ANKFY1: variants seen among roughly 807,000 people sequenced by gnomAD.
ANKFY1 encodes the protein ankyrin repeat and FYVE domain-containing protein 1.
In ANKFY1, 47 loss-of-function variants were observed where a neutral mutation model predicts 128.3. The ratio of observed to expected loss-of-function variants is 0.37; its 90% CI spans 0.29 to 0.47. The LOEUF (loss-of-function observed/expected upper bound fraction) is 0.47. ANKFY1 is among the 20% of genes least tolerant of loss of function. ANKFY1 has a pLI of 1.00. For synonymous variants in ANKFY1, 553 were observed against 601.6 expected (o/e 0.92, Z 1.18); for missense variants, 1,222 against 1,510.6 (o/e 0.81, Z 3.17).
rs1186683659 is a variant in ANKFY1 at position 4,165,776 on chromosome 17, T to C, written c.*2003A>G. The C allele has an allele frequency of 1.3e-5, 2 of 152,222 alleles. No individual in the cohort carries two copies. Among genetic ancestry groups the C allele is most frequent in the Non-Finnish European group, 2.9e-5 (2 of 68,024 alleles). 9.4% of individuals were successfully genotyped at this position (152,222 alleles called of 1,614,324 possible). A position where few individuals can be genotyped will look rare whatever the true frequency, so the allele number is the denominator to read the frequency against. On this transcript the variant is annotated 3_prime_UTR_variant, in exon 25 of 25. Coordinates refer to ENST00000341657, the MANE Select transcript of ANKFY1 (RefSeq NM_001330063.2). ...AAGATTGTTATTGAAATTGGTATGG[T>C]AGGGCATGGGCAGAACAATCGGCCT...
intron 3 of ANKFY1, chr17:4,223,614 T>A: frequency 7.0e-7 from 1 of 1,422,384 alleles, no homozygotes; most frequent in Non-Finnish European, 9.9e-7. Context: ...TGGGAACTCA[T>A]GACTCTGGGC....
intron 8 of ANKFY1, 48 bp from the exon 9 acceptor site, chr17:4,195,519 G>C (rs762190415): frequency 1.3e-6 from 2 of 1,492,186 alleles, no homozygotes; most frequent in Non-Finnish European, 1.9e-6. Flanking sequence ...GGCCTGTTCA[G>C]GATGACTCAC....
chr17:4,263,468 A>ACCCCCCCCCC, intron 1 of ANKFY1: 1 of 386,870 alleles, frequency 2.6e-6, no homozygotes, highest in Non-Finnish European at 4.5e-6. Flanking sequence ...CCTCGCCCCC[A>ACCCCCCCCCC]CCCCACCCCA....
intron 21 of ANKFY1, among the ~76,000 whole-genome samples, chr17:4,172,946 G>A (rs1339015849): frequency 3.9e-5 from 6 of 152,296 alleles, no homozygotes; most frequent in East Asian, 1.9e-4. Flanking sequence ...TGCAAGCTCC[G>A]CCTCCCGGGT....
chr17:4,254,814 AT>A (rs1327781881), intron 1 of ANKFY1, among the ~76,000 whole-genome samples: 6 of 152,204 alleles, frequency 3.9e-5, no homozygotes, highest in African/African-American at 1.4e-4. Context: ...GGGAATTAAT[AT>A]TTTTTATGTC....
chr17:4,179,924 C>T (rs750576968), intron 16 of ANKFY1, 47 bp from the exon 17 acceptor site: 30 of 1,607,092 alleles, frequency 1.9e-5, no homozygotes, highest in Non-Finnish European at 2.2e-5. Flanking sequence ...TTGGACCTGG[C>T]GTATAGGCAT....
intron 1 of ANKFY1, chr17:4,249,252 C>T: frequency 4.2e-6 from 1 of 236,338 alleles, no homozygotes; most frequent in Non-Finnish European, 6.9e-6. Flanking sequence ...CTCAACTCTG[C>T]CAGTTGGAAC....
At chr17:4,249,453 T>C (rs1324842086) in intron 1 of ANKFY1, among the ~76,000 whole-genome samples, 1 of 152,198 alleles carries the variant, frequency 6.6e-6, no homozygotes, top group Non-Finnish European at 1.5e-5. Flanking sequence ...AACATATAAA[T>C]AAATTCTTAG....
chr17:4,170,982 T>A, intron 22 of ANKFY1, 121 bp from the exon 23 acceptor site: 1 of 1,434,588 alleles, frequency 7.0e-7, no homozygotes, highest in African/African-American at 1.4e-5. Context: ...GTTCACAAAG[T>A]CCCCACAGAC....
At chr17:4,183,669 AG>A (rs2059557106) in intron 13 of ANKFY1, 118 bp from the exon 14 acceptor site, 1 of 1,428,210 alleles carries the variant, frequency 7.0e-7, no homozygotes, top group African/African-American at 1.4e-5. Flanking sequence ...TGGATCTAAC[AG>A]GCTTAACTCA....
chr17:4,180,196 G>A, intron 16 of ANKFY1: 1 of 280,156 alleles, frequency 3.6e-6, no homozygotes, highest in South Asian at 4.9e-5. Flanking sequence ...GGGAGGCCGA[G>A]GCAGGTGGAT....
chr17:4,210,229 G>T (rs192818511), intron 4 of ANKFY1, among the ~76,000 whole-genome samples: 28 of 152,216 alleles, frequency 1.8e-4, no homozygotes, highest in African/African-American at 6.7e-4. Flanking sequence ...GCACACATAC[G>T]ACACCCGCTG....
chr17:4,202,514 C>T (rs1202665133), intron 7 of ANKFY1, among the ~76,000 whole-genome samples: 2 of 150,388 alleles, frequency 1.3e-5, no homozygotes, highest in African/African-American at 4.9e-5. Flanking sequence ...CTGGCTAACA[C>T]GGTGAAACCC....
In ANKFY1 at chr17:4,172,656, C is replaced by T. The variant is rs746032914; in HGVS notation, c.3039G>A (p.Leu1013=). The part of the protein sequence containing the change: ...NLRGQSPLHI[L]GQYGKENAAA... ...CTGCATTCTCCTTGCCATATTGTCC[C>T]AAAATGTGCAGTGGTGACTGGCCTC... is the stretch of plus-strand genomic sequence containing the variant. Residue 1013 remains leucine (L), a synonymous_variant, in exon 22 of 25, where the codon TTG becomes TTA. Transcript: ENST00000341657. 13 of 1,614,028 alleles carry T rather than the reference C, an allele frequency of 8.1e-6. 1 individual carries two copies. The South Asian group carries it at 1.4e-4, about 18-fold the overall frequency.
chr17:4,174,187 A>G (rs966007193), intron 19 of ANKFY1, 131 bp from the exon 20 acceptor site: 1 of 1,116,656 alleles, frequency 9.0e-7, no homozygotes, highest in South Asian at 1.6e-5. Context: ...AGCTGGGAGC[A>G]TAGGAGCTTC....
intron 4 of ANKFY1, 53 bp from the exon 5 acceptor site, chr17:4,210,000 C>T (rs1161403995): frequency 1.0e-5 from 16 of 1,560,266 alleles, no homozygotes; most frequent in African/African-American, 2.7e-5. Context: ...AATTCACAAA[C>T]GAACAAACCA....
chr17:4,231,494 CA>C (rs1267589896), intron 3 of ANKFY1, among the ~76,000 whole-genome samples: 1 of 151,378 alleles, frequency 6.6e-6, no homozygotes, highest in African/African-American at 2.4e-5. Flanking sequence ...ATCTCAAAAA[CA>C]AAAAAAGAAT....
Position 4,181,196 on chromosome 17 carries a change from A to G in ANKFY1, c.2240+58T>C. ...CTATAGACGGATTTAAAAAGGAAAG[A>G]GCCAGTTTGCAACAAGCTCACTAAA... On this transcript the variant is annotated intron_variant, in intron 16 of 24. Transcript: ENST00000341657. The surrounding 1 kb of genome is among the most constrained non-coding windows in gnomAD (Gnocchi z 4.9). The G allele has an allele frequency of 7.2e-7, 1 of 1,396,460 alleles. No homozygotes were observed. The highest frequency in any genetic ancestry group is 1.0e-6 in the Non-Finnish European group (1 of 984,462). 86.5% of individuals were successfully genotyped at this position (1,396,460 alleles called of 1,614,324 possible).
intron 1 of ANKFY1, 173 bp downstream of exon 1, chr17:4,263,759 C>CGCTCCGGACCCCGGCCCGAGAA (rs772504404): frequency 1.3e-6 from 2 of 1,523,960 alleles, no homozygotes; most frequent in Non-Finnish European, 1.8e-6. Context: ...ATAGGAACCG[C>CGCTCCGGACCCCGGCCCGAGAA]GCTCCGGACC....
Sources: allele counts gnomAD v4.1 joint callset (sites outside exome capture counted in the v4.1 genomes callset), GRCh38; gene constraint gnomAD v4.1.1; non-coding constraint Gnocchi (gnomAD v3.1); transcripts MANE v1.5; gene names NCBI Gene and HGNC (gene_info 2026-07-23, HGNC 2026-07-21).